Variants in ERBB4 observed in about 807,000 individuals in gnomAD.
The protein encoded by ERBB4 is receptor tyrosine-protein kinase erbB-4.
Under a neutral mutation model 158.0 loss-of-function variants are expected in ERBB4, and 42 were observed. The observed-to-expected ratio is 0.27, with a 90% CI of 0.21 to 0.34. ERBB4 has a LOEUF of 0.34. ERBB4 is among the 10% of genes least tolerant of loss of function. The pLI is 1.00. For missense variants in ERBB4, 1,333 were observed against 1,624.1 expected, an observed-to-expected ratio of 0.82 and a Z score of 3.08; for synonymous variants, 583 against 558.7, an observed-to-expected ratio of 1.04 and a Z score of -0.61.
At chr2:211,797,743 A>G (rs959192484) in intron 3 of ERBB4, among the ~76,000 whole-genome samples, 4 of 151,974 alleles carry the variant, frequency 2.6e-5, no homozygotes, top group Non-Finnish European at 5.9e-5. Context: ...AAGAAATTAA[A>G]GAAGGAGTCA....
At chr2:211,902,907 AT>A (rs1166994413) in intron 3 of ERBB4, among the ~76,000 whole-genome samples, 1 of 152,006 alleles carries the variant, frequency 6.6e-6, no homozygotes, top group Non-Finnish European at 1.5e-5. Context: ...TTAATATATA[AT>A]TACTTTTCTT....
intron 1 of ERBB4, among the ~76,000 whole-genome samples, chr2:212,461,236 A>G (rs1243710159): frequency 1.3e-5 from 2 of 152,168 alleles, no homozygotes; most frequent in African/African-American, 4.8e-5. Flanking sequence ...GGCTTGCACC[A>G]TGTGCCTGGA....
chr2:211,704,184 G>A lies in ERBB4; in HGVS notation c.1209C>T (p.Asn403=), dbSNP rs756450537. ...TCATGTTTGGTGGCCATGACTGTAT[G>A]TTCAGGAAACCTACAAGTGAAGAGT... ...RTVREITGFL[N]IQSWPPNMTD... Residue 403 remains asparagine (N), a synonymous_variant, in exon 11 of 28, where the codon AAC becomes AAT. Transcript: ENST00000342788. The A allele has an allele frequency of 1.2e-6, 2 of 1,607,302 alleles. No individual in the cohort carries two copies. The highest frequency in any genetic ancestry group is 2.2e-5 in the East Asian group (1 of 44,824).
intron 20 of ERBB4, among the ~76,000 whole-genome samples, chr2:211,499,673 C>A (rs1218961940): frequency 6.6e-6 from 1 of 152,046 alleles, no homozygotes; most frequent in Admixed American, 6.5e-5. Context: ...ACTTTGAGAT[C>A]ACCAAAATGT....
intron 4 of ERBB4, among the ~76,000 whole-genome samples, chr2:211,763,009 T>C (rs977456431): frequency 5.3e-5 from 8 of 152,138 alleles, no homozygotes; most frequent in Non-Finnish European, 8.8e-5. Context: ...TTTTGTTATG[T>C]ATCTTAAGTG....
At chr2:211,834,666 A>T (rs2077300937) in intron 3 of ERBB4, among the ~76,000 whole-genome samples, 1 of 152,102 alleles carries the variant, frequency 6.6e-6, no homozygotes, top group South Asian at 2.1e-4. Flanking sequence ...TGATGTCATC[A>T]ATATGGAAGT....
At chr2:211,407,175 A>G (rs142735069) in intron 25 of ERBB4, among the ~76,000 whole-genome samples, 79 of 152,272 alleles carry the variant, frequency 5.2e-4, no homozygotes, top group African/African-American at 1.8e-3. Flanking sequence ...ACTTGGCAAA[A>G]GATAAGTGAT....
At chr2:212,475,059 T>C (rs1206906254) in intron 1 of ERBB4, among the ~76,000 whole-genome samples, 1 of 152,194 alleles carries the variant, frequency 6.6e-6, no homozygotes, top group South Asian at 2.1e-4. Flanking sequence ...CTCCATCTTA[T>C]AGCCTCTATT....
intron 5 of ERBB4, among the ~76,000 whole-genome samples, chr2:211,738,000 G>T (rs1485219104): frequency 6.6e-6 from 1 of 151,812 alleles, no homozygotes; most frequent in East Asian, 1.9e-4. Flanking sequence ...ATATACTATG[G>T]AACATTCGTT....
Position 212,404,167 on chromosome 2 carries a change from A to G in ERBB4, c.82+134282T>C, listed in dbSNP as rs181001401. The stretch of plus-strand genomic sequence containing the variant: ...GAATCCTAAAGTGGAAGTGAAAACT[A>G]TAATACACCCTCAGTTCCAGCAGAA... On this transcript the variant is annotated intron_variant, in intron 1 of 27. Transcript: ENST00000342788. Among the ~76,000 whole-genome samples the G allele has an allele frequency of 8.5e-5, 13 of 152,188 alleles. No individual in the cohort carries two copies. In the East Asian group the frequency reaches 1.7e-3, roughly 20 times the overall value.
chr2:211,403,635 A>G (rs1200769501), intron 25 of ERBB4, among the ~76,000 whole-genome samples: 1 of 152,132 alleles, frequency 6.6e-6, no homozygotes, highest in Non-Finnish European at 1.5e-5. Flanking sequence ...ACTACCATAT[A>G]GCTGCGTATA....
intron 3 of ERBB4, among the ~76,000 whole-genome samples, chr2:211,936,540 G>A (rs2125110648): frequency 6.6e-6 from 1 of 152,142 alleles, no homozygotes; most frequent in East Asian, 1.9e-4. Context: ...TATGAAATAT[G>A]TTATACAGAC....
intron 3 of ERBB4, among the ~76,000 whole-genome samples, chr2:211,853,861 A>C (rs1299696969): frequency 1.2e-4 from 19 of 152,142 alleles, no homozygotes; most frequent in Admixed American, 9.8e-4. Flanking sequence ...GCAATACATT[A>C]GTTATAATGA....
At chr2:212,234,196 T>C (rs2083768689) in intron 1 of ERBB4, among the ~76,000 whole-genome samples, 2 of 152,084 alleles carry the variant, frequency 1.3e-5, no homozygotes, top group Admixed American at 6.5e-5. Context: ...TGTGTTCTTA[T>C]TGTTCAATTC....
chr2:212,274,545 T>C (rs1224236254), intron 1 of ERBB4, among the ~76,000 whole-genome samples: 1 of 151,882 alleles, frequency 6.6e-6, no homozygotes, highest in Non-Finnish European at 1.5e-5. Context: ...TAATTCAGTA[T>C]GTAATGCAGT....
At chr2:211,452,634 C>G (rs950698219) in intron 20 of ERBB4, among the ~76,000 whole-genome samples, 3 of 152,072 alleles carry the variant, frequency 2.0e-5, no homozygotes, top group African/African-American at 7.2e-5. Context: ...CTATCTCAAC[C>G]TCTATCAAAT....
chr2:211,999,320 G>A (rs1348538956), intron 2 of ERBB4, among the ~76,000 whole-genome samples: 1 of 151,534 alleles, frequency 6.6e-6, no homozygotes, highest in Non-Finnish European at 1.5e-5. Flanking sequence ...TCAATTTTTT[G>A]CCAGTTCTCA....
intron 2 of ERBB4, among the ~76,000 whole-genome samples, chr2:212,065,647 G>C (rs1447924807): frequency 6.6e-6 from 1 of 152,026 alleles, no homozygotes; most frequent in African/African-American, 2.4e-5. Flanking sequence ...ATTAGAAACG[G>C]AGAGGAAGTG....
intron 2 of ERBB4, among the ~76,000 whole-genome samples, chr2:211,982,663 T>C (rs1234108235): frequency 2.0e-5 from 3 of 152,208 alleles, no homozygotes; most frequent in Non-Finnish European, 4.4e-5. Flanking sequence ...AGAGGAGCCT[T>C]CAGGTTATCC....
Sources: allele counts gnomAD v4.1 joint callset (sites outside exome capture counted in the v4.1 genomes callset), GRCh38; gene constraint gnomAD v4.1.1; transcripts MANE v1.5; gene names NCBI Gene and HGNC (gene_info 2026-07-23, HGNC 2026-07-21).